The following TMEM108 variants were observed in gnomAD, a reference collection of about 807,000 sequenced individuals.
The protein encoded by TMEM108 is cancer/testis antigen 124.
Under a neutral mutation model 35.1 loss-of-function variants are expected in TMEM108, and 12 were observed. That is an observed-to-expected ratio of 0.34 (90% CI 0.22 to 0.55). The LOEUF (loss-of-function observed/expected upper bound fraction) is 0.55, where lower values mean the gene tolerates loss of function less well. TMEM108 is among the 20% of genes least tolerant of loss of function. The pLI, the probability that TMEM108 is intolerant of heterozygous loss-of-function variation, is 0.89. For synonymous variants in TMEM108, 287 were observed against 308.6 expected, an observed-to-expected ratio of 0.93 and a Z score of 0.73; for missense variants, 680 against 753.3, an observed-to-expected ratio of 0.90 and a Z score of 1.14.
chr3:133,314,409 G>A (rs1011814527), intron 3 of TMEM108, among the ~76,000 whole-genome samples: 1 of 152,150 alleles, frequency 6.6e-6, no homozygotes, highest in African/African-American at 2.4e-5. Context: ...AGCGCTTTTA[G>A]ATTATTAGCT....
intron 3 of TMEM108, among the ~76,000 whole-genome samples, chr3:133,307,580 A>T (rs763049772): frequency 2.0e-5 from 3 of 152,116 alleles, no homozygotes; most frequent in African/African-American, 7.2e-5. Flanking sequence ...AGTTTCAGCT[A>T]TCTACATATG....
intron 3 of TMEM108, among the ~76,000 whole-genome samples, chr3:133,371,479 G>C (rs1025436182): frequency 8.5e-5 from 13 of 152,176 alleles, no homozygotes; most frequent in African/African-American, 2.9e-4. Context: ...TCTCTGGGCT[G>C]CTCAGACTTC....
chr3:133,153,155 A>G (rs1042544783), intron 2 of TMEM108, among the ~76,000 whole-genome samples: 4 of 152,104 alleles, frequency 2.6e-5, no homozygotes, highest in African/African-American at 9.7e-5. Flanking sequence ...CTATACATAA[A>G]ATTACATGAG....
At chr3:133,106,175 GTT>G (rs745343008) in intron 2 of TMEM108, among the ~76,000 whole-genome samples, 89 of 89,674 alleles carry the variant, frequency 9.9e-4, no homozygotes, top group East Asian at 2.6e-3. Flanking sequence ...GAGGTTAAAG[GTT>G]TTTTTTTTTT....
intron 3 of TMEM108, among the ~76,000 whole-genome samples, chr3:133,324,382 A>C (rs2071304318): frequency 6.6e-6 from 1 of 152,244 alleles, no homozygotes; most frequent in Non-Finnish European, 1.5e-5. Context: ...AATTTTCAAA[A>C]GAAGATATAC....
intron 5 of TMEM108, among the ~76,000 whole-genome samples, chr3:133,392,137 CTTCT>C (rs1157094417): frequency 2.7e-5 from 4 of 150,814 alleles, no homozygotes; most frequent in African/African-American, 7.3e-5. Flanking sequence ...CACCACTTCT[CTTCT>C]TTTTTTTTTT....
At chr3:133,058,902 C>G (rs1404857053) in intron 2 of TMEM108, among the ~76,000 whole-genome samples, 1 of 152,200 alleles carries the variant, frequency 6.6e-6, no homozygotes, top group African/African-American at 2.4e-5. Context: ...TTAATAATGT[C>G]TCTTTGTAGT....
At chr3:133,376,028 ACT>A (rs1342674289) in intron 3 of TMEM108, among the ~76,000 whole-genome samples, 28 of 152,328 alleles carry the variant, frequency 1.8e-4, no homozygotes, top group African/African-American at 6.5e-4. Flanking sequence ...CTAAGAGGTA[ACT>A]CTACAGTTCT....
At chr3:133,178,831 C>A (rs1945282133) in intron 2 of TMEM108, among the ~76,000 whole-genome samples, 1 of 152,162 alleles carries the variant, frequency 6.6e-6, no homozygotes, top group African/African-American at 2.4e-5. Context: ...AACTAAAGAG[C>A]TTCTGCACAG....
chr3:133,146,554 T>G (rs1944723185), intron 2 of TMEM108, among the ~76,000 whole-genome samples: 1 of 152,224 alleles, frequency 6.6e-6, no homozygotes, highest in Non-Finnish European at 1.5e-5. Context: ...AGCTCCTCTT[T>G]GTACCTCTGG....
chr3:133,149,963 A>G (rs1436773185), intron 2 of TMEM108, among the ~76,000 whole-genome samples: 3 of 152,130 alleles, frequency 2.0e-5, no homozygotes, highest in African/African-American at 7.2e-5. Flanking sequence ...GAGTGCACAT[A>G]TCTCTTTGAC....
chr3:133,141,529 G>A (rs1326117329), intron 2 of TMEM108, among the ~76,000 whole-genome samples: 4 of 152,142 alleles, frequency 2.6e-5, no homozygotes, highest in Non-Finnish European at 5.9e-5. Context: ...CATGGGATGG[G>A]CTGTATTAAT....
intron 2 of TMEM108, among the ~76,000 whole-genome samples, chr3:133,101,837 C>T (rs1944091741): frequency 6.6e-6 from 1 of 152,166 alleles, no homozygotes; most frequent in Non-Finnish European, 1.5e-5. Context: ...TAACCACACC[C>T]ATAATATGTC....
At position 133,380,569 on chromosome 3, in the gene TMEM108, G is replaced by T; in HGVS notation, c.858G>T (p.Gly286=). The T allele has an allele frequency of 3.1e-6, 5 of 1,613,598 alleles. No individual in the cohort carries two copies. The highest frequency in any genetic ancestry group is 4.2e-6 in the Non-Finnish European group (5 of 1,179,772). Residue 286 remains glycine (G), a synonymous_variant, in exon 4 of 6, where the codon GGG becomes GGT. Transcript: ENST00000321871. The surrounding 1 kb of genome is among the most constrained non-coding windows in gnomAD (Gnocchi z 5.3). ...CAGGCCTTCGCAGAGCAGCCCAGGGGGGTGGTTCTACCTTCACCAGCCAAG... is the reference window on the plus strand; with the variant it reads ...CAGGCCTTCGCAGAGCAGCCCAGGGTGGTGGTTCTACCTTCACCAGCCAAG... The part of the protein sequence containing the change: ...DKPGLRRAAQ[G]GGSTFTSQGG...
chr3:133,181,116 A>G (rs1945337807), intron 2 of TMEM108, among the ~76,000 whole-genome samples: 1 of 151,334 alleles, frequency 6.6e-6, no homozygotes, highest in African/African-American at 2.4e-5. Flanking sequence ...GATAAAGATA[A>G]TACATATTAG....
intron 3 of TMEM108, among the ~76,000 whole-genome samples, chr3:133,276,959 C>T (rs1028352537): frequency 6.6e-6 from 1 of 152,156 alleles, no homozygotes; most frequent in South Asian, 2.1e-4. Flanking sequence ...TCTGTTCATT[C>T]AGTGGGGTAC....
chr3:133,133,282 G>C (rs1031107061), intron 2 of TMEM108, among the ~76,000 whole-genome samples: 14 of 152,146 alleles, frequency 9.2e-5, no homozygotes, highest in African/African-American at 3.1e-4. Flanking sequence ...CCACCACCCT[G>C]ATCAGTCAGC....
intron 2 of TMEM108, among the ~76,000 whole-genome samples, chr3:133,065,790 A>G (rs906498780): frequency 1.3e-5 from 2 of 152,192 alleles, no homozygotes; most frequent in African/African-American, 4.8e-5. Context: ...ATTTCTACAT[A>G]GTTCAGCCAT....
chr3:133,237,970 A>T (rs3953104), intron 3 of TMEM108, among the ~76,000 whole-genome samples: 81,901 of 151,972 alleles, frequency 0.54, 23,665 homozygotes, highest in Middle Eastern at 0.67. Context: ...TATGAAGGGG[A>T]CATGAGACCA....
Sources: allele counts gnomAD v4.1 joint callset (sites outside exome capture counted in the v4.1 genomes callset), GRCh38; gene constraint gnomAD v4.1.1; non-coding constraint Gnocchi (gnomAD v3.1); transcripts MANE v1.5; gene names NCBI Gene and HGNC (gene_info 2026-07-23, HGNC 2026-07-21).